Variants in NRBP2 observed in about 807,000 individuals in gnomAD.
NRBP2 encodes the protein nuclear receptor binding protein 2.
Under a neutral mutation model 74.4 loss-of-function variants are expected in NRBP2, and 47 were observed. The observed-to-expected ratio is 0.63, with a 90% confidence interval of 0.50 to 0.81. The LOEUF is 0.81. Ranked by LOEUF, NRBP2 falls within the 30% of genes least tolerant of loss-of-function variation. The pLI is 0.00. For missense variants in NRBP2, 613 were observed against 690.1 expected (o/e 0.89, Z 1.25); for synonymous variants, 312 against 273.8 (o/e 1.14, Z -1.38).
chr8:143,840,939 C>T lies in NRBP2; in HGVS notation c.-105G>A. ...CCAGCAGCCCAGCCTAGAGCCGCCG[C>T]GGCAGCCTAGAGCCCCAGCCCCGGC... On this transcript the variant is annotated 5_prime_UTR_variant, in exon 1 of 18. Coordinates refer to ENST00000442628, the MANE Select transcript of NRBP2 (RefSeq NM_178564.4). The surrounding 1 kb of genome is among the most constrained non-coding windows in gnomAD (Gnocchi z 5.7). 8.6e-7 allele frequency: 1 copy of T among 1,163,576 alleles called. No individual in the cohort carries two copies. The highest frequency in any genetic ancestry group is 1.1e-6 in the Non-Finnish European group (1 of 945,836). 72.1% of individuals were successfully genotyped at this position (1,163,576 alleles called of 1,614,324 possible). A position where few individuals can be genotyped will look rare whatever the true frequency, so the allele number is the denominator to read the frequency against.
rs1040353995 is a variant in NRBP2 at position 143,839,108 on chromosome 8, A to T, written c.605-8T>A. On this transcript the variant is annotated splice_polypyrimidine_tract_variant and splice_region_variant and intron_variant, in intron 7 of 17. Coordinates refer to ENST00000442628, the MANE Select transcript of NRBP2 (RefSeq NM_178564.4). The surrounding 1 kb of genome is among the most constrained non-coding windows in gnomAD (Gnocchi z 5.1). ...GGAGATCATCTGGAAGTGCTGTGGG[A>T]GGGCGCAGAGCTGAGCGGGCGGGGA... The T allele has an allele frequency of 2.0e-6, 3 of 1,519,600 alleles. No individual in the cohort carries two copies. The highest frequency in any genetic ancestry group is 1.2e-5 in the South Asian group (1 of 81,540). 94.1% of individuals were successfully genotyped at this position (1,519,600 alleles called of 1,614,324 possible).
At position 143,835,332 on chromosome 8, in the gene NRBP2, G is replaced by A. The variant is rs1221580370; in HGVS notation, c.*330C>T. ...CAGAGCTGGGGTTCCCTACAGGGCA[G>A]CCTCCTGCATGCTGAGGAGGCAGTG... On this transcript the variant is annotated 3_prime_UTR_variant, in exon 18 of 18. Transcript: ENST00000442628. This position sits in a 1 kb window ranked among gnomAD's most constrained non-coding sequence, Gnocchi z 4.9. 9 of 446,796 alleles carry A rather than the reference G, an allele frequency of 2.0e-5. 1 individual carries two copies. The highest frequency in any genetic ancestry group is 4.0e-5 in the Admixed American group (1 of 25,178). The allele number at this position is 446,796 out of a possible 1,614,324, so 27.7% of individuals were successfully genotyped here. A position where few individuals can be genotyped will look rare whatever the true frequency, so the allele number is the denominator to read the frequency against.
In NRBP2 at chr8:143,838,998, C is replaced by G; in HGVS notation, c.688+19G>C. The G allele has an allele frequency of 2.6e-6, 4 of 1,553,254 alleles. No homozygotes were observed. The highest frequency in any genetic ancestry group is 3.5e-6 in the Non-Finnish European group (4 of 1,149,130). On this transcript the variant is annotated intron_variant, in intron 8 of 17. Coordinates refer to ENST00000442628, the MANE Select transcript of NRBP2 (RefSeq NM_178564.4). ...AAGCGCAGGGTAGGCACGGGGCACC[C>G]GGACCCAGCACCACTCACCTCCATA...
chr8:143,837,562 G>T lies in NRBP2; in HGVS notation c.974-53C>A. On this transcript the variant is annotated intron_variant, in intron 11 of 17. Transcript: ENST00000442628. This position sits in a 1 kb window ranked among gnomAD's most constrained non-coding sequence, Gnocchi z 4.3. ...GTGCTCAGGCCGTGGGTCCTGCAGG[G>T]CCCCTTCCACGTCCCAACCTCCACC... 6.3e-7 allele frequency: 1 copy of T among 1,593,496 alleles called. No homozygotes were observed.
chr8:143,836,050 T>C lies in NRBP2; in HGVS notation c.1318-20A>G, dbSNP rs1818362782. 9.6e-6 allele frequency: 15 copies of C among 1,563,564 alleles called. No individual in the cohort carries two copies. Among genetic ancestry groups the C allele is most frequent in the Non-Finnish European group, 1.3e-5 (15 of 1,157,766 alleles). On this transcript the variant is annotated intron_variant, in intron 15 of 17. Transcript: ENST00000442628. ...AGTGAGCTGGGGAGGCGGCGGGGCG[T>C]GGTCGGCTGGGGGTTCAGGGCTCCG...
chr8:143,835,763 G>A lies in NRBP2; in HGVS notation c.1438-33C>T, dbSNP rs566975606. The A allele has an allele frequency of 1.7e-5, 27 of 1,596,366 alleles. No homozygotes were observed. The South Asian group carries it at 2.7e-4, about 16-fold the overall frequency. On this transcript the variant is annotated intron_variant, in intron 17 of 17. Transcript: ENST00000442628. The surrounding 1 kb of genome is among the most constrained non-coding windows in gnomAD (Gnocchi z 4.9). ...AGGAGGGAGGCATGGGGGACGGAGG[G>A]GCGCGGCCTGCCCCGTGCGCCCCCT...
At chr8:143,831,343 CAG>C (rs1818160044), downstream of NRBP2, among the ~76,000 whole-genome samples, 1 of 152,254 alleles carries the variant, frequency 6.6e-6, no homozygotes, top group South Asian at 2.1e-4. Context: ...AGGTCAGGCA[CAG>C]TGGCTCATGC....
Position 143,840,774 on chromosome 8 carries a change from C to T in NRBP2, c.61G>A (p.Glu21Lys). The T allele has an allele frequency of 6.6e-7, 1 of 1,510,952 alleles. No individual in the cohort carries two copies. The highest frequency in any genetic ancestry group is 8.8e-7 in the Non-Finnish European group (1 of 1,135,732). 93.6% of individuals were successfully genotyped at this position (1,510,952 alleles called of 1,614,324 possible). ...ARERERERED[E>K]SEDESDILEE... ...AGGATGTCGCTCTCGTCCTCGCTCT[C>T]GTCCTCCCGCTCCCGCTCCCGTTCC... The change falls in exon 1 of 18, where the codon GAG becomes AAG. Residue 21 changes from glutamate (E) to lysine (K), a missense_variant. Around this residue, in one of 2 missense-constraint regions of NRBP2, gnomAD observed 332 missense variants for 429.2 expected, o/e 0.77. Transcript: ENST00000442628. The surrounding 1 kb of genome is among the most constrained non-coding windows in gnomAD (Gnocchi z 5.7).
At chr8:143,831,829 C>G (rs1255614764), downstream of NRBP2, among the ~76,000 whole-genome samples, 1 of 152,178 alleles carries the variant, frequency 6.6e-6, no homozygotes, top group East Asian at 1.9e-4. Flanking sequence ...AAGAAGAGAT[C>G]ATAGGTAAAG....
chr8:143,831,006 G>T (rs1180875781), downstream of NRBP2, among the ~76,000 whole-genome samples: 2 of 152,216 alleles, frequency 1.3e-5, no homozygotes, highest in Non-Finnish European at 2.9e-5. Flanking sequence ...TGCTCTTAGG[G>T]CTAGCCTGGC....
At chr8:143,838,614 G>C (rs1466145242) in intron 10 of NRBP2, 66 bp downstream of exon 10, 12 of 1,191,192 alleles carry the variant, frequency 1.0e-5, no homozygotes, top group Non-Finnish European at 1.4e-5. Flanking sequence ...GGTCTGCCTG[G>C]AGCACCTTGC....
In NRBP2 at chr8:143,840,190, G is replaced by A. The variant is rs1818633104; in HGVS notation, c.169C>T (p.Leu57=). 2 of 1,536,046 alleles carry A rather than the reference G, an allele frequency of 1.3e-6. No individual in the cohort carries two copies. The highest frequency in any genetic ancestry group is 2.7e-5 in the African/African-American group (2 of 73,058). Residue 57 remains leucine, a synonymous_variant, in exon 2 of 18, where the codon CTA becomes TTA. Coordinates refer to ENST00000442628, the MANE Select transcript of NRBP2 (RefSeq NM_178564.4). The surrounding 1 kb of genome is among the most constrained non-coding windows in gnomAD (Gnocchi z 5.7). ...ACCCCCTCCTCCGTGTCCATGGCTA[G>A]GAAGGTGCTCTGAAGCCCTGGCATG... ...GNMPGLQSTF[L]AMDTEEGVEV...
chr8:143,836,032 TGGGG>T lies in NRBP2; in HGVS notation c.1318-6_1318-3del. 6.4e-7 allele frequency: 1 copy of T among 1,569,220 alleles called. No individual in the cohort carries two copies. Among genetic ancestry groups the T allele is most frequent in the Non-Finnish European group, 8.6e-7 (1 of 1,159,044 alleles). ...TTCCAGCACCAGAAGCAGAGTGAGC[TGGGG>T]AGGCGGCGGGGCGTGGTCGGCTGGG... On this transcript the variant is annotated splice_polypyrimidine_tract_variant and splice_region_variant and intron_variant, in intron 15 of 17. Coordinates refer to ENST00000442628, the MANE Select transcript of NRBP2 (RefSeq NM_178564.4).
Position 143,840,618 on chromosome 8 carries a change from T to A in NRBP2, c.129+88A>T. 4.0e-6 allele frequency: 5 copies of A among 1,246,222 alleles called. No individual in the cohort carries two copies. In the Middle Eastern group the frequency reaches 1.4e-3, roughly 355 times the overall value. 77.2% of individuals were successfully genotyped at this position (1,246,222 alleles called of 1,614,324 possible). ...GGAGAGGTTTCCAGCCGCCGCGCTC[T>A]CCCAGCGCCCCCACGCCCCGCGCAG... is the stretch of plus-strand genomic sequence containing the variant. On this transcript the variant is annotated intron_variant, in intron 1 of 17. Transcript: ENST00000442628. The surrounding 1 kb of genome is among the most constrained non-coding windows in gnomAD (Gnocchi z 5.7).
At chr8:143,838,801 T>TG in intron 9 of NRBP2, 26 bp from the exon 10 acceptor site, 2 of 1,611,416 alleles carry the variant, frequency 1.2e-6, no homozygotes, top group Non-Finnish European at 1.7e-6. Context: ...AGGTCAGGCA[T>TG]GGGGAAGGGA....
downstream of NRBP2, among the ~76,000 whole-genome samples, chr8:143,832,112 G>A (rs1356420959): frequency 2.0e-5 from 3 of 152,188 alleles, no homozygotes; most frequent in African/African-American, 4.8e-5. Context: ...GTTAATCTAT[G>A]ACCTTACCCC....
downstream of NRBP2, among the ~76,000 whole-genome samples, chr8:143,831,597 G>A (rs937562021): frequency 2.0e-5 from 3 of 152,186 alleles, no homozygotes; most frequent in African/African-American, 7.2e-5. Flanking sequence ...CTCCAGCCTG[G>A]GTGACAGAGC....
At position 143,840,654 on chromosome 8, in the gene NRBP2, C is replaced by A; in HGVS notation, c.129+52G>T. 1 of 1,414,666 alleles carries A rather than the reference C, an allele frequency of 7.1e-7. No homozygotes were observed. Among genetic ancestry groups the A allele is most frequent in the Non-Finnish European group, 9.3e-7 (1 of 1,077,524 alleles). The allele number at this position is 1,414,666 out of a possible 1,614,324, so 87.6% of individuals were successfully genotyped here. ...CCACGCCCCGCGCAGCCTCCAGGCC[C>A]CTCCCGCTCTGGGAGGGCGGTGTCA... On this transcript the variant is annotated intron_variant, in intron 1 of 17. Coordinates refer to ENST00000442628, the MANE Select transcript of NRBP2 (RefSeq NM_178564.4). The surrounding 1 kb of genome is among the most constrained non-coding windows in gnomAD (Gnocchi z 5.7).
chr8:143,835,745 A>G lies in NRBP2; in HGVS notation c.1438-15T>C. ...ATCCGGTCGTCCTGCGGAAGGAGGG[A>G]GGCATGGGGGACGGAGGGGCGCGGC... is the stretch of plus-strand genomic sequence containing the variant. On this transcript the variant is annotated splice_polypyrimidine_tract_variant and intron_variant, in intron 17 of 17. Coordinates refer to ENST00000442628, the MANE Select transcript of NRBP2 (RefSeq NM_178564.4). This position sits in a 1 kb window ranked among gnomAD's most constrained non-coding sequence, Gnocchi z 4.9. The G allele has an allele frequency of 1.3e-6, 2 of 1,596,606 alleles. No homozygotes were observed. Among genetic ancestry groups the G allele is most frequent in the Non-Finnish European group, 8.5e-7 (1 of 1,173,676 alleles).
Sources: allele counts gnomAD v4.1 joint callset (sites outside exome capture counted in the v4.1 genomes callset), GRCh38; gene constraint gnomAD v4.1.1; regional missense constraint gnomAD v4.1.1; non-coding constraint Gnocchi (gnomAD v3.1); transcripts MANE v1.5; gene names NCBI Gene and HGNC (gene_info 2026-07-23, HGNC 2026-07-21).